UVRAG: variants seen among roughly 807,000 people sequenced by gnomAD.
UVRAG encodes UV radiation resistance associated, also known as UV radiation resistance-associated gene protein.
UVRAG carries 19 observed loss-of-function variants against 78.0 expected under a neutral mutation model. The observed-to-expected ratio is 0.24, with a 90% confidence interval of 0.17 to 0.36. UVRAG has a LOEUF of 0.36. Ranked by LOEUF, UVRAG falls within the 10% of genes least tolerant of loss-of-function variation. UVRAG has a pLI of 1.00. For missense variants in UVRAG, 740 were observed against 853.8 expected (o/e 0.87, Z 1.66); for synonymous variants, 323 against 324.6 (o/e 1.00, Z 0.05).
intron 5 of UVRAG, among the ~76,000 whole-genome samples, chr11:75,905,454 G>C (rs1404901800): frequency 6.6e-6 from 1 of 152,054 alleles, no homozygotes; most frequent in Non-Finnish European, 1.5e-5. Context: ...CTATTTTGCT[G>C]TCCTCCAAAC....
intron 13 of UVRAG, among the ~76,000 whole-genome samples, chr11:76,066,374 T>C (rs571847718): frequency 2.0e-5 from 3 of 152,312 alleles, no homozygotes; most frequent in African/African-American, 4.8e-5. Flanking sequence ...GAAAGAAATA[T>C]GTAGCATTTC....
chr11:76,128,191 C>T (rs1229361691), intron 14 of UVRAG, among the ~76,000 whole-genome samples: 1 of 152,146 alleles, frequency 6.6e-6, no homozygotes, highest in Non-Finnish European at 1.5e-5. Flanking sequence ...GAGTGTTACC[C>T]CTGAGCTCCG....
At chr11:76,049,986 C>T (rs940561231) in intron 12 of UVRAG, among the ~76,000 whole-genome samples, 2 of 152,154 alleles carry the variant, frequency 1.3e-5, no homozygotes, top group Non-Finnish European at 2.9e-5. Flanking sequence ...GCCTGCAGGA[C>T]AATTGCTAGG....
intron 13 of UVRAG, among the ~76,000 whole-genome samples, chr11:76,092,662 T>C (rs1951721836): frequency 6.6e-6 from 1 of 152,246 alleles, no homozygotes; most frequent in Non-Finnish European, 1.5e-5. Flanking sequence ...GTTCATATCC[T>C]TCACCCACTT....
intron 2 of UVRAG, among the ~76,000 whole-genome samples, chr11:75,859,642 C>T (rs1946375602): frequency 6.6e-6 from 1 of 152,042 alleles, no homozygotes; most frequent in Non-Finnish European, 1.5e-5. Context: ...GGTTAATTGA[C>T]CTATCCAGGG....
chr11:75,934,030 T>C (rs1948305388), intron 6 of UVRAG, among the ~76,000 whole-genome samples: 1 of 152,198 alleles, frequency 6.6e-6, no homozygotes. Context: ...GAAATCAGTT[T>C]ATCAAAGAGA....
chr11:75,884,382 G>A (rs1164829390), intron 4 of UVRAG, among the ~76,000 whole-genome samples: 2 of 151,916 alleles, frequency 1.3e-5, no homozygotes, highest in Non-Finnish European at 2.9e-5. Flanking sequence ...AATATTTTCT[G>A]CCAGTTTGTG....
chr11:75,874,474 A>G (rs1414486404), intron 3 of UVRAG, among the ~76,000 whole-genome samples: 6 of 152,204 alleles, frequency 3.9e-5, no homozygotes, highest in Non-Finnish European at 8.8e-5. Flanking sequence ...GGTTGTATAT[A>G]CAATTATGAT....
intron 12 of UVRAG, among the ~76,000 whole-genome samples, chr11:76,024,079 C>T (rs925819812): frequency 2.6e-5 from 4 of 152,130 alleles, no homozygotes; most frequent in Non-Finnish European, 5.9e-5. Flanking sequence ...TCTCCTAGTG[C>T]CGTAATGTTC....
At chr11:75,892,381 A>G (rs1947230396) in intron 5 of UVRAG, 1 of 985,456 alleles carries the variant, frequency 1.0e-6, no homozygotes, top group Non-Finnish European at 1.2e-6. Context: ...GTGTGGGAAC[A>G]TGGGAATGCA....
At chr11:75,972,279 AAAAGTTATCTCC>A (rs1342250567) in intron 7 of UVRAG, among the ~76,000 whole-genome samples, 1 of 152,090 alleles carries the variant, frequency 6.6e-6, no homozygotes, top group Non-Finnish European at 1.5e-5. Context: ...GTTATGTCTA[AAAAGTTATCTCC>A]AAACCCAGAG....
chr11:76,065,861 CT>C lies in UVRAG; in HGVS notation c.1305+76del. On this transcript the variant is annotated intron_variant, in intron 13 of 14. Coordinates refer to ENST00000356136, the MANE Select transcript of UVRAG (RefSeq NM_003369.4). ...TTTCCTTAGATTGCCAGCCTTTTTT[CT>C]TTATAAATATGCACTGCAGTTGACC... 5 of 1,433,500 alleles carry C rather than the reference CT, an allele frequency of 3.5e-6. No homozygotes were observed. The South Asian group carries it at 4.8e-5, about 14-fold the overall frequency. The allele number at this position is 1,433,500 out of a possible 1,614,324, so 88.8% of individuals were successfully genotyped here.
In UVRAG at chr11:75,815,517, C is replaced by T; in HGVS notation, c.110C>T (p.Ser37Phe). The T allele has an allele frequency of 3.2e-6, 4 of 1,237,428 alleles. No individual in the cohort carries two copies. The highest frequency in any genetic ancestry group is 4.0e-6 in the Non-Finnish European group (4 of 989,894). 76.7% of individuals were successfully genotyped at this position (1,237,428 alleles called of 1,614,324 possible). A position where few individuals can be genotyped will look rare whatever the true frequency, so the allele number is the denominator to read the frequency against. The change falls in exon 1 of 15, where the codon TCT becomes TTT. Residue 37 changes from serine to phenylalanine, a missense_variant. Ser to Phe is a radical substitution (Grantham distance 155). Transcript: ENST00000356136. Reference protein sequence around the residue: ...AARALHVELPSQQRRLRHLRN... With the variant: ...AARALHVELPFQQRRLRHLRN... ...CGGGCCCTGCATGTGGAGCTGCCGT[C>T]TCAGCAGGTAAGCCCGCGCGGCTCG...
chr11:76,087,093 A>G (rs1007561443), intron 13 of UVRAG, among the ~76,000 whole-genome samples: 2 of 152,304 alleles, frequency 1.3e-5, no homozygotes, highest in South Asian at 2.1e-4. Context: ...TTTGCTGCCT[A>G]TGCAGTTCCT....
chr11:75,830,248 T>C (rs2135820001), intron 1 of UVRAG, among the ~76,000 whole-genome samples: 1 of 152,242 alleles, frequency 6.6e-6, no homozygotes, highest in East Asian at 1.9e-4. Context: ...TCTTTGAATA[T>C]GGTTTTGAGG....
At chr11:75,880,928 C>CTTTTTTTTTTTTTTT (rs773034018) in intron 4 of UVRAG, among the ~76,000 whole-genome samples, 2 of 87,710 alleles carry the variant, frequency 2.3e-5, no homozygotes, top group African/African-American at 8.6e-5. Flanking sequence ...TTATTTACTT[C>CTTTTTTTTTTTTTTT]TTTTTTTTTT....
At chr11:76,117,262 A>G (rs1952198673) in intron 14 of UVRAG, among the ~76,000 whole-genome samples, 1 of 152,236 alleles carries the variant, frequency 6.6e-6, no homozygotes, top group South Asian at 2.1e-4. Flanking sequence ...AAATAATGAG[A>G]AAATTGGCAA....
chr11:75,965,904 T>G (rs972037905), intron 7 of UVRAG, among the ~76,000 whole-genome samples: 14 of 152,144 alleles, frequency 9.2e-5, no homozygotes, highest in African/African-American at 3.4e-4. Context: ...TTTCATCCAG[T>G]ACAATGTTGG....
intron 6 of UVRAG, among the ~76,000 whole-genome samples, chr11:75,938,878 G>A (rs1565389421): frequency 6.6e-6 from 1 of 152,108 alleles, no homozygotes; most frequent in Non-Finnish European, 1.5e-5. Context: ...TCGCACTCAT[G>A]GCTTCCCTGG....
Sources: allele counts gnomAD v4.1 joint callset (sites outside exome capture counted in the v4.1 genomes callset), GRCh38; gene constraint gnomAD v4.1.1; transcripts MANE v1.5; gene names NCBI Gene and HGNC (gene_info 2026-07-23, HGNC 2026-07-21).